Variants in CCDC88C observed in about 807,000 individuals in gnomAD.
CCDC88C encodes coiled-coil and HOOK domain protein 88C, also known as protein Daple.
A neutral mutation model predicts 198.8 loss-of-function variants in CCDC88C; 131 were observed. The observed-to-expected ratio is 0.66, with a 90% confidence interval of 0.57 to 0.76. CCDC88C has a LOEUF of 0.76. CCDC88C is among the 30% of genes least tolerant of loss of function. The pLI is 0.00. For missense variants in CCDC88C, 2,553 were observed against 2,631.6 expected (o/e 0.97, Z 0.65); for synonymous variants, 1,166 against 1,114.7 (o/e 1.05, Z -0.92).
Position 91,368,923 on chromosome 14 carries a change from G to A in CCDC88C, c.271-9212C>T, listed in dbSNP as rs141226442. Reference sequence around the variant, plus strand: ...TGGCAACCAGCCAACCTCAGGCCCCGTTACCAGAAACACCAGACAGTGAAG... The same window carrying A: ...TGGCAACCAGCCAACCTCAGGCCCCATTACCAGAAACACCAGACAGTGAAG... On this transcript the variant is annotated intron_variant, in intron 3 of 29. Transcript: ENST00000389857. Among the ~76,000 whole-genome samples, 444 of 152,270 alleles carry A rather than the reference G, an allele frequency of 2.9e-3. 2 individuals are homozygous for A. The highest frequency in any genetic ancestry group is 1.0e-2 in the African/African-American group (414 of 41,542).
Position 91,417,709 on chromosome 14 carries a change from G to C in CCDC88C, c.-19C>G. On this transcript the variant is annotated 5_prime_UTR_variant, in exon 1 of 30. Coordinates refer to ENST00000389857, the MANE Select transcript of CCDC88C (RefSeq NM_001080414.4). ...CGTCCATGCTGAGGCTGCGCCCGCCGGCTCCGCGCCCCCCGCCCCGCGTCC... is the reference window on the plus strand; with the variant it reads ...CGTCCATGCTGAGGCTGCGCCCGCCCGCTCCGCGCCCCCCGCCCCGCGTCC... 1 of 1,502,176 alleles carries C rather than the reference G, an allele frequency of 6.7e-7. No individual in the cohort carries two copies. Among genetic ancestry groups the C allele is most frequent in the Non-Finnish European group, 8.9e-7 (1 of 1,128,622 alleles). 93.1% of individuals were successfully genotyped at this position (1,502,176 alleles called of 1,614,324 possible).
At chr14:91,302,113 A>T (rs1026314954) in intron 20 of CCDC88C, among the ~76,000 whole-genome samples, 4 of 152,232 alleles carry the variant, frequency 2.6e-5, no homozygotes, top group Non-Finnish European at 5.9e-5. Context: ...GCAAGTGAAT[A>T]AATGAATGTC....
At chr14:91,289,003 C>T (rs1890538321) in intron 25 of CCDC88C, 102 bp downstream of exon 25, 1 of 917,408 alleles carries the variant, frequency 1.1e-6, no homozygotes. Context: ...TGCAGTCACC[C>T]ACCCCTGGCA....
chr14:91,369,911 G>T (rs546925203), intron 3 of CCDC88C, among the ~76,000 whole-genome samples: 1 of 152,158 alleles, frequency 6.6e-6, no homozygotes, highest in Non-Finnish European at 1.5e-5. Context: ...GGACCAACTC[G>T]GCCCGGCCGA....
chr14:91,296,065 C>T (rs1390370107), intron 22 of CCDC88C, among the ~76,000 whole-genome samples: 1 of 152,200 alleles, frequency 6.6e-6, no homozygotes, highest in Non-Finnish European at 1.5e-5. Context: ...GGAAGAAACC[C>T]ACCTCTGCGG....
chr14:91,331,559 A>G (rs952489917), intron 10 of CCDC88C, among the ~76,000 whole-genome samples: 2 of 150,042 alleles, frequency 1.3e-5, no homozygotes, highest in Non-Finnish European at 3.0e-5. Context: ...AGGAGAGAGA[A>G]AGACAGACAC....
chr14:91,388,994 A>C (rs1885316507), intron 3 of CCDC88C, among the ~76,000 whole-genome samples: 1 of 152,206 alleles, frequency 6.6e-6, no homozygotes, highest in South Asian at 2.1e-4. Context: ...AAAAGACAGA[A>C]AATAAAGCAC....
At position 91,288,010 on chromosome 14, in the gene CCDC88C, A is replaced by T. The variant is rs941959731; in HGVS notation, c.4441+1095T>A. 3.9e-5 allele frequency among the ~76,000 whole-genome samples: 6 copies of T among 152,238 alleles called. No homozygotes were observed. The highest frequency in any genetic ancestry group is 1.4e-4 in the African/African-American group (6 of 41,472). ...CAATTTCAGTGATGTCTCAGTCACC[A>T]CTGGCCAGGTGGCCACGGTGACAAA... On this transcript the variant is annotated intron_variant, in intron 25 of 29. Coordinates refer to ENST00000389857, the MANE Select transcript of CCDC88C (RefSeq NM_001080414.4). This position sits in a 1 kb window ranked among gnomAD's most constrained non-coding sequence, Gnocchi z 4.2.
chr14:91,324,810 C>T lies in CCDC88C; in HGVS notation c.1311G>A (p.Glu437=), dbSNP rs1892514136. The T allele has an allele frequency of 3.1e-6, 5 of 1,612,988 alleles. No individual in the cohort carries two copies. In the Middle Eastern group the frequency reaches 8.2e-4, roughly 266 times the overall value. The change falls in exon 12 of 30, where the codon GAG becomes GAA. Residue 437 remains glutamate (E), a synonymous_variant. Transcript: ENST00000389857. The part of the protein sequence containing the change: ...NESAHLGWEL[E]QLSKNADLSD... The stretch of plus-strand genomic sequence containing the variant: ...ACAAGTCTGCGTTCTTGGACAGCTG[C>T]TCCAGCTCCCAGCCAAGGTGGGCAG...
At position 91,417,313 on chromosome 14, in the gene CCDC88C, A is replaced by T. The variant is rs376641981; in HGVS notation, c.60+318T>A. 1.7e-5 allele frequency: 11 copies of T among 639,700 alleles called. No homozygotes were observed. In the East Asian group the frequency reaches 3.0e-4, roughly 17 times the overall value. The allele number at this position is 639,700 out of a possible 1,614,324, so 39.6% of individuals were successfully genotyped here. On this transcript the variant is annotated intron_variant, in intron 1 of 29. Transcript: ENST00000389857. Reference sequence around the variant, plus strand: ...GGAGTGGCTAAACCCCAGGGACAGGAGTGACCACTGGGACCCGGTCCGCCC... The same window carrying T: ...GGAGTGGCTAAACCCCAGGGACAGGTGTGACCACTGGGACCCGGTCCGCCC...
Position 91,416,810 on chromosome 14 carries a change from C to T in CCDC88C, c.89G>A (p.Gly30Asp). 6.2e-7 allele frequency: 1 copy of T among 1,613,434 alleles called. No homozygotes were observed. The highest frequency in any genetic ancestry group is 1.3e-5 in the African/African-American group (1 of 75,048). Residue 30 changes from glycine (G) to aspartate (D), a missense_variant, in exon 2 of 30, where the codon GGC (glycine) becomes GAC (aspartate). Around this residue, in one of 2 missense-constraint regions of CCDC88C, gnomAD observed 1,260 missense variants for 1,412.0 expected, o/e 0.89. Coordinates refer to ENST00000389857, the MANE Select transcript of CCDC88C (RefSeq NM_001080414.4). ...WVKTFGPFGS[G>D]SQDNLTMYMD... is the part of the protein sequence containing the mutation. ...GTACATAGTCAGGTTGTCCTGGCTG[C>T]CGCTTCCAAACGGGCCAAAAGTTTT... is the stretch of plus-strand genomic sequence containing the variant.
intron 3 of CCDC88C, among the ~76,000 whole-genome samples, chr14:91,366,655 C>T (rs1298508066): frequency 6.6e-6 from 1 of 152,186 alleles, no homozygotes; most frequent in Non-Finnish European, 1.5e-5. Context: ...AAGCAAGCTG[C>T]ACCTTCAAGC....
chr14:91,343,314 A>G (rs1893380904), intron 5 of CCDC88C, among the ~76,000 whole-genome samples: 1 of 152,214 alleles, frequency 6.6e-6, no homozygotes, highest in African/African-American at 2.4e-5. Context: ...CACAAGCTGT[A>G]GTTTGCAGAT....
chr14:91,319,002 C>T (rs1567073345), intron 13 of CCDC88C, among the ~76,000 whole-genome samples: 1 of 151,666 alleles, frequency 6.6e-6, no homozygotes, highest in Non-Finnish European at 1.5e-5. Context: ...ATGACACTGC[C>T]AGGACTCACA....
chr14:91,416,302 A>C (rs2140026514), intron 2 of CCDC88C, among the ~76,000 whole-genome samples: 1 of 152,346 alleles, frequency 6.6e-6, no homozygotes, highest in East Asian at 1.9e-4. Context: ...AGGAGCTCAG[A>C]AACACAGACA....
chr14:91,417,355 G>A (rs1887118910), intron 1 of CCDC88C: 3 of 602,368 alleles, frequency 5.0e-6, no homozygotes, highest in East Asian at 5.7e-5. Flanking sequence ...AGCCAGCCTA[G>A]AGCCCCAGCG....
rs1215829321 is a variant in CCDC88C, at chr14:91,273,055, A to C, written c.5657T>G (p.Phe1886Cys). The C allele has an allele frequency of 1.9e-6, 3 of 1,556,446 alleles. No individual in the cohort carries two copies. Among genetic ancestry groups the C allele is most frequent in the Admixed American group, 3.8e-5 (2 of 52,892 alleles). ...CTCCTCCTTTGGGGGAGCCAGGGAG[A>C]AGCGCCTCGTGTCCAGCGGCCGGCT... ...PRSRPLDTRR[F>C]SLAPPKEERL... The change falls in exon 30 of 30, where the codon TTC (phenylalanine) becomes TGC (cysteine). Residue 1886 changes from phenylalanine (F) to cysteine (C), a missense_variant. This residue lies in a region of CCDC88C where 1,293 missense variants were observed against 1,219.6 expected (regional missense o/e 1.06). Coordinates refer to ENST00000389857, the MANE Select transcript of CCDC88C (RefSeq NM_001080414.4). This position sits in a 1 kb window ranked among gnomAD's most constrained non-coding sequence, Gnocchi z 5.6.
chr14:91,402,345 T>C (rs928826376), intron 3 of CCDC88C, among the ~76,000 whole-genome samples: 1 of 152,218 alleles, frequency 6.6e-6, no homozygotes, highest in Admixed American at 6.5e-5. Context: ...AATGTCCACA[T>C]TTCTTAAAGA....
At chr14:91,299,843 G>T in intron 21 of CCDC88C, 84 bp downstream of exon 21, 1 of 1,424,888 alleles carries the variant, frequency 7.0e-7, no homozygotes, top group South Asian at 1.5e-5. Flanking sequence ...CAGGGGACTT[G>T]AACTTCTCAG....
Sources: allele counts gnomAD v4.1 joint callset (sites outside exome capture counted in the v4.1 genomes callset), GRCh38; gene constraint gnomAD v4.1.1; regional missense constraint gnomAD v4.1.1; non-coding constraint Gnocchi (gnomAD v3.1); transcripts MANE v1.5; gene names NCBI Gene and HGNC (gene_info 2026-07-23, HGNC 2026-07-21).